The following FYN variants were observed in gnomAD, a reference collection of about 807,000 sequenced individuals.
The protein encoded by FYN is tyrosine-protein kinase Fyn.
Under a neutral mutation model 70.2 loss-of-function variants are expected in FYN, and 10 were observed. The ratio of observed to expected loss-of-function variants is 0.14; its 90% confidence interval spans 0.09 to 0.24. The LOEUF is 0.24. FYN is among the 10% of genes least tolerant of loss of function. FYN has a pLI of 1.00. For missense variants in FYN, 319 were observed against 673.1 expected (o/e 0.47, Z 5.82); for synonymous variants, 236 against 248.6 (o/e 0.95, Z 0.48).
At chr6:111,756,329 A>T (rs1358416649) in intron 3 of FYN, among the ~76,000 whole-genome samples, 1 of 152,092 alleles carries the variant, frequency 6.6e-6, no homozygotes, top group Non-Finnish European at 1.5e-5. Context: ...AAACTGATTC[A>T]TTAGTTAAAA....
chr6:111,747,921 G>C (rs559391267), intron 3 of FYN, among the ~76,000 whole-genome samples: 1 of 152,172 alleles, frequency 6.6e-6, no homozygotes, highest in Non-Finnish European at 1.5e-5. Flanking sequence ...CAAAGATGAG[G>C]AAAATAAAAC....
chr6:111,794,545 G>A (rs11967460), intron 2 of FYN, among the ~76,000 whole-genome samples: 8,827 of 152,244 alleles, frequency 0.058, 311 homozygotes, highest in East Asian at 0.14. Context: ...CCCAGCCTGC[G>A]GATCAGATCT....
At chr6:111,811,583 G>T (rs964986563) in intron 2 of FYN, among the ~76,000 whole-genome samples, 1 of 152,096 alleles carries the variant, frequency 6.6e-6, no homozygotes, top group Non-Finnish European at 1.5e-5. Flanking sequence ...CCTTCTCTGG[G>T]AATCTGTTCC....
At chr6:111,696,848 A>C (rs1381373152) in intron 9 of FYN, 1 of 154,830 alleles carries the variant, frequency 6.5e-6, no homozygotes, top group Non-Finnish European at 1.4e-5. Flanking sequence ...TACAGTGTGC[A>C]TGGAAGAAAT....
intron 3 of FYN, among the ~76,000 whole-genome samples, chr6:111,720,775 T>A (rs1053669309): frequency 1.3e-5 from 2 of 152,092 alleles, no homozygotes; most frequent in Non-Finnish European, 2.9e-5. Flanking sequence ...GCTTTTGACA[T>A]CCTTCAAAAA....
chr6:111,847,271 G>T (rs776591908), intron 1 of FYN, among the ~76,000 whole-genome samples: 1 of 152,188 alleles, frequency 6.6e-6, no homozygotes, highest in East Asian at 1.9e-4. Context: ...GCTGAGTGCT[G>T]GTTCTGATGA....
rs550810485 is a variant in FYN, at chr6:111,816,406, G to A, written c.-82+30183C>T. 2.6e-5 allele frequency among the ~76,000 whole-genome samples: 4 copies of A among 152,218 alleles called. No homozygotes were observed. In the East Asian group the frequency reaches 5.8e-4, roughly 22 times the overall value. ...AATATTTATACAATATCCTTTCAGT[G>A]AGGATTCAGTTCCCTGAAATAGACA... On this transcript the variant is annotated intron_variant, in intron 2 of 13. Transcript: ENST00000354650.
chr6:111,735,352 T>G (rs1163805693), intron 3 of FYN, among the ~76,000 whole-genome samples: 1 of 151,990 alleles, frequency 6.6e-6, no homozygotes, highest in Non-Finnish European at 1.5e-5. Context: ...CAACTATGAG[T>G]CCATTCTACT....
chr6:111,843,015 G>A (rs983146390), intron 2 of FYN, among the ~76,000 whole-genome samples: 8 of 152,166 alleles, frequency 5.3e-5, no homozygotes, highest in African/African-American at 1.9e-4. Flanking sequence ...TGTTTCGGAA[G>A]GCCTCTGTGT....
intron 3 of FYN, among the ~76,000 whole-genome samples, chr6:111,727,740 C>T (rs971930776): frequency 8.5e-5 from 13 of 152,202 alleles, no homozygotes; most frequent in African/African-American, 2.9e-4. Flanking sequence ...TCAACCTTCT[C>T]TCATACCGCA....
chr6:111,840,176 T>C (rs1773314889), intron 2 of FYN, among the ~76,000 whole-genome samples: 1 of 152,140 alleles, frequency 6.6e-6, no homozygotes, highest in African/African-American at 2.4e-5. Flanking sequence ...AATTCCCAAA[T>C]TGAGGTATGT....
At chr6:111,717,911 A>C (rs1331125100) in intron 4 of FYN, among the ~76,000 whole-genome samples, 1 of 152,196 alleles carries the variant, frequency 6.6e-6, no homozygotes, top group East Asian at 1.9e-4. Flanking sequence ...CAGGAGAGTT[A>C]GCATTCAGAG....
At chr6:111,703,946 G>T in intron 7 of FYN, 53 bp downstream of exon 7, 1 of 1,375,756 alleles carries the variant, frequency 7.3e-7, no homozygotes, top group Non-Finnish European at 1.0e-6. Flanking sequence ...CATCCCCTCT[G>T]ACTAATCCAC....
chr6:111,786,367 T>C (rs1255089092), intron 2 of FYN, among the ~76,000 whole-genome samples: 6 of 152,174 alleles, frequency 3.9e-5, no homozygotes, highest in Admixed American at 2.0e-4. Flanking sequence ...GCTTCATCCA[T>C]GTCCCTACAA....
At chr6:111,688,626 GCGTGTGTGTGCT>G (rs1476599474) in intron 12 of FYN, among the ~76,000 whole-genome samples, 2 of 151,638 alleles carry the variant, frequency 1.3e-5, no homozygotes, top group African/African-American at 4.8e-5. Context: ...TGCCCACGCA[GCGTGTGTGTGCT>G]CATGCAGCGT....
intron 12 of FYN, among the ~76,000 whole-genome samples, chr6:111,684,136 T>TGAGAAGGAGGGAGGTTGGG: frequency 6.6e-6 from 1 of 152,262 alleles, no homozygotes; most frequent in African/African-American, 2.4e-5. Context: ...GCAAGAAGTT[T>TGAGAAGGAGGGAGGTTGGG]GAGAAGGAGG....
chr6:111,674,779 T>C, intron 12 of FYN, 149 bp from the exon 13 acceptor site: 1 of 824,462 alleles, frequency 1.2e-6, no homozygotes. Flanking sequence ...TGGGCTGGGA[T>C]TGGGAAGATG....
chr6:111,727,117 ACTAGGTCTCAC>A (rs777613070), intron 3 of FYN, among the ~76,000 whole-genome samples: 2 of 152,214 alleles, frequency 1.3e-5, no homozygotes, highest in Non-Finnish European at 2.9e-5. Flanking sequence ...GATTTCAGGG[ACTAGGTCTCAC>A]CTCCATCCCC....
At chr6:111,696,567 T>C (rs1799584114) in intron 9 of FYN, 111 bp from the exon 10 acceptor site, 1 of 835,978 alleles carries the variant, frequency 1.2e-6, no homozygotes, top group Non-Finnish European at 1.8e-6. Flanking sequence ...AAACACTTAA[T>C]ACAGTTTTTG....
Sources: gnomAD v4.1 joint callset for allele counts (sites outside exome capture counted in the v4.1 genomes callset) on GRCh38, gnomAD v4.1.1 for gene constraint, MANE v1.5 for transcripts, NCBI Gene and HGNC (gene_info 2026-07-23, HGNC 2026-07-21) for gene names.